OGN: variants seen among roughly 807,000 people sequenced by gnomAD.
The protein encoded by OGN is mimecan.
Under a neutral mutation model 30.8 loss-of-function variants are expected in OGN, and 19 were observed. The observed-to-expected ratio is 0.62, with a 90% CI of 0.43 to 0.90. The LOEUF (loss-of-function observed/expected upper bound fraction) is 0.90, where lower values mean the gene tolerates loss of function less well. OGN is among the 40% of genes least tolerant of loss of function. The pLI is 0.00. For synonymous variants in OGN, 126 were observed against 128.3 expected (o/e 0.98, Z 0.12); for missense variants, 283 against 349.7 (o/e 0.81, Z 1.52).
At position 92,384,615 on chromosome 9, in the gene OGN, A is replaced by G. The variant is rs1478485114; in HGVS notation, c.*1005T>C. The G allele has an allele frequency of 6.6e-6, 1 of 152,144 alleles. No homozygotes were observed. The highest frequency in any genetic ancestry group is 1.5e-5 in the Non-Finnish European group (1 of 67,996). 9.4% of individuals were successfully genotyped at this position (152,144 alleles called of 1,614,324 possible). A position where few individuals can be genotyped will look rare whatever the true frequency, so the allele number is the denominator to read the frequency against. ...CAGTTAGCCATGTCAGTTTATCATG[A>G]GTAATCAGAAAGTGTTACTCAGAAG... On this transcript the variant is annotated 3_prime_UTR_variant, in exon 7 of 7. Transcript: ENST00000375561.
At chr9:92,401,678 T>C (rs1464307274) in intron 2 of OGN, among the ~76,000 whole-genome samples, 1 of 152,214 alleles carries the variant, frequency 6.6e-6, no homozygotes, top group East Asian at 1.9e-4. Context: ...TTTAATTACC[T>C]ATATCCCTCC....
chr9:92,401,627 A>G (rs1264095802), intron 2 of OGN, among the ~76,000 whole-genome samples: 1 of 152,150 alleles, frequency 6.6e-6, no homozygotes, highest in African/African-American at 2.4e-5. Flanking sequence ...ACAAGTATAA[A>G]CTACCAATTA....
chr9:92,396,644 AACCT>A (rs1422079938), intron 3 of OGN, among the ~76,000 whole-genome samples: 4 of 151,570 alleles, frequency 2.6e-5, no homozygotes, highest in African/African-American at 9.7e-5. Context: ...GTTCACTGCA[AACCT>A]CGACCTCCTG....
intron 5 of OGN, 142 bp from the exon 6 acceptor site, chr9:92,386,438 T>C: frequency 1.7e-6 from 1 of 591,068 alleles, no homozygotes; most frequent in East Asian, 3.0e-5. Context: ...ATATCAATTG[T>C]TCGTATGGTA....
chr9:92,386,505 G>C (rs1176690827), intron 5 of OGN, among the ~76,000 whole-genome samples: 2 of 151,942 alleles, frequency 1.3e-5, no homozygotes, highest in Admixed American at 6.6e-5. Context: ...GATCCTTTAT[G>C]ATGGCCAGTG....
chr9:92,393,174 A>G lies in OGN; in HGVS notation c.339T>C (p.Ala113=), dbSNP rs370858536. 2.0e-5 allele frequency: 32 copies of G among 1,613,710 alleles called. No individual in the cohort carries two copies. In the African/African-American group the frequency reaches 3.9e-4, roughly 20 times the overall value. ...CTGATTCCTTTGGTAAGGGTGGTACAGCATCAATGTCAACTTCTTCACAGT... is the reference window on the plus strand; with the variant it reads ...CTGATTCCTTTGGTAAGGGTGGTACGGCATCAATGTCAACTTCTTCACAGT... ...SVYCEEVDID[A]VPPLPKESAY... Residue 113 remains alanine, a synonymous_variant, in exon 4 of 7, where the codon GCT becomes GCC. Transcript: ENST00000375561.
intron 5 of OGN, among the ~76,000 whole-genome samples, chr9:92,387,575 T>G (rs1365254799): frequency 6.6e-6 from 1 of 152,040 alleles, no homozygotes; most frequent in Non-Finnish European, 1.5e-5. Flanking sequence ...CTGTGGTAGA[T>G]TTTGCTAATT....
At chr9:92,396,237 A>G (rs1042368847) in intron 3 of OGN, among the ~76,000 whole-genome samples, 2 of 152,144 alleles carry the variant, frequency 1.3e-5, no homozygotes, top group South Asian at 4.1e-4. Flanking sequence ...TTTTATGCCA[A>G]TACTGCAGTG....
chr9:92,403,570 A>G (rs896818051), intron 1 of OGN, 88 bp from the exon 2 acceptor site: 2 of 1,293,940 alleles, frequency 1.5e-6, no homozygotes, highest in East Asian at 2.8e-5. Context: ...GCCAGAGAAC[A>G]GTATTTAACC....
At chr9:92,389,809 A>G (rs747604132) in intron 5 of OGN, 45 bp downstream of exon 5, 27 of 1,281,880 alleles carry the variant, frequency 2.1e-5, no homozygotes, top group Non-Finnish European at 2.8e-5. Context: ...TTTATCTATC[A>G]TATCATCACT....
intron 2 of OGN, among the ~76,000 whole-genome samples, chr9:92,401,825 T>A (rs1843123368): frequency 6.6e-6 from 1 of 152,046 alleles, no homozygotes; most frequent in African/African-American, 2.4e-5. Flanking sequence ...TCTTGGAGAG[T>A]ACGTTTTCTG....
intron 6 of OGN, 43 bp downstream of exon 6, chr9:92,386,158 C>T: frequency 7.0e-7 from 1 of 1,431,072 alleles, no homozygotes; most frequent in Non-Finnish European, 9.9e-7. Context: ...GATTTTGACT[C>T]ATAGGTAATT....
chr9:92,399,296 G>A (rs1393955390), intron 3 of OGN, among the ~76,000 whole-genome samples: 1 of 151,906 alleles, frequency 6.6e-6, no homozygotes, highest in Non-Finnish European at 1.5e-5. Context: ...TAATTTATAT[G>A]TCTCTGTGTG....
At chr9:92,395,804 A>G (rs1405463902) in intron 3 of OGN, among the ~76,000 whole-genome samples, 1 of 150,878 alleles carries the variant, frequency 6.6e-6, no homozygotes, top group Non-Finnish European at 1.5e-5. Flanking sequence ...TGGCATCCAT[A>G]TATTTGATGA....
At chr9:92,390,088 G>A (rs746384296) in intron 4 of OGN, 32 bp from the exon 5 acceptor site, 17 of 1,278,796 alleles carry the variant, frequency 1.3e-5, no homozygotes, top group East Asian at 9.3e-5. Flanking sequence ...AAACAACTAC[G>A]TAAGTAAAAT....
intron 3 of OGN, among the ~76,000 whole-genome samples, chr9:92,397,735 G>A (rs937999507): frequency 1.3e-5 from 2 of 152,212 alleles, no homozygotes; most frequent in Non-Finnish European, 2.9e-5. Context: ...TTTCAGCAGA[G>A]AGAGCTAGGA....
intron 3 of OGN, among the ~76,000 whole-genome samples, chr9:92,395,258 C>T (rs540225128): frequency 7.2e-4 from 110 of 152,114 alleles, no homozygotes; most frequent in Non-Finnish European, 1.3e-3. Context: ...CATTAGTTTG[C>T]ATTTAGGAGA....
intron 2 of OGN, 119 bp from the exon 3 acceptor site, chr9:92,401,304 T>A (rs979366312): frequency 1.8e-6 from 1 of 566,132 alleles, no homozygotes; most frequent in African/African-American, 1.9e-5. Context: ...TTGTGCTCCA[T>A]TAGGCTTTCA....
chr9:92,395,030 G>T (rs1168860723), intron 3 of OGN, among the ~76,000 whole-genome samples: 1 of 151,546 alleles, frequency 6.6e-6, no homozygotes, highest in African/African-American at 2.4e-5. Context: ...TTTTTTTCCT[G>T]CTACAGCTTT....
Sources: gnomAD v4.1 joint callset for allele counts (sites outside exome capture counted in the v4.1 genomes callset) on GRCh38, gnomAD v4.1.1 for gene constraint, MANE v1.5 for transcripts, NCBI Gene and HGNC (gene_info 2026-07-23, HGNC 2026-07-21) for gene names.